PPP1R21: variants seen among roughly 807,000 people sequenced by gnomAD.
PPP1R21 encodes the protein protein phosphatase 1 regulatory subunit 21.
PPP1R21 carries 85 observed loss-of-function variants against 112.8 expected under a neutral mutation model. That is an observed-to-expected ratio of 0.75 (90% CI 0.63 to 0.90). The LOEUF (loss-of-function observed/expected upper bound fraction) is 0.90. Among genes scored for constraint, PPP1R21 ranks in the 40% least tolerant of loss-of-function variants. The probability of loss-of-function intolerance (pLI) is 0.00; values close to 1 mark genes in which losing one functional copy is unlikely to be tolerated. For synonymous variants in PPP1R21, 381 were observed against 322.3 expected (o/e 1.18, Z -1.95); for missense variants, 1,199 against 901.5 (o/e 1.33, Z -4.23).
intron 8 of PPP1R21, 79 bp from the exon 9 acceptor site, chr2:48,465,414 C>T: frequency 7.7e-7 from 1 of 1,290,716 alleles, no homozygotes; most frequent in Non-Finnish European, 1.1e-6. Context: ...CAAATGTTTT[C>T]TCCAGATCAG....
intron 21 of PPP1R21, among the ~76,000 whole-genome samples, chr2:48,513,947 G>A (rs1670752558): frequency 6.6e-6 from 1 of 152,090 alleles, no homozygotes; most frequent in South Asian, 2.1e-4. Flanking sequence ...TTCTCAGCCA[G>A]TATCCAAGCT....
chr2:48,464,577 C>T lies in PPP1R21; in HGVS notation c.695-360C>T, dbSNP rs143995879. On this transcript the variant is annotated intron_variant, in intron 7 of 21. Transcript: ENST00000294952. ...AACAGTGGTATTTTTTGCTGATTAG[C>T]GTGGCGGCTTTGTGGAGGGTTATTT... is the stretch of plus-strand genomic sequence containing the variant. Among the ~76,000 whole-genome samples, 366 of 152,192 alleles carry T rather than the reference C, an allele frequency of 2.4e-3. 1 individual carries two copies. The highest frequency in any genetic ancestry group is 8.0e-3 in the African/African-American group (334 of 41,514).
At position 48,474,243 on chromosome 2, in the gene PPP1R21, C is replaced by T. The variant is rs141000216; in HGVS notation, c.1089-440C>T. Among the ~76,000 whole-genome samples the T allele has an allele frequency of 5.1e-3, 781 of 152,100 alleles. 8 individuals are homozygous for T. Among genetic ancestry groups the T allele is most frequent in the South Asian group, 0.021 (100 of 4,816 alleles). On this transcript the variant is annotated intron_variant, in intron 11 of 21. Transcript: ENST00000294952. ...ACTGAAAGTACAAAAATTAGCCGGG[C>T]GTGGTGGTGGGTGCCTGTAATCCCA... is the stretch of plus-strand genomic sequence containing the variant.
intron 3 of PPP1R21, among the ~76,000 whole-genome samples, chr2:48,457,632 T>A (rs1667784409): frequency 6.6e-6 from 1 of 152,174 alleles, no homozygotes; most frequent in African/African-American, 2.4e-5. Flanking sequence ...AGCTTTATTT[T>A]ATATATTTTT....
chr2:48,496,140 T>G (rs1036738000), intron 16 of PPP1R21, among the ~76,000 whole-genome samples: 5 of 152,066 alleles, frequency 3.3e-5, no homozygotes, highest in African/African-American at 1.2e-4. Context: ...GAATGAAAAA[T>G]GTGCAATATT....
chr2:48,478,805 A>T (rs1558474781), intron 12 of PPP1R21, among the ~76,000 whole-genome samples: 1 of 152,166 alleles, frequency 6.6e-6, no homozygotes, highest in Non-Finnish European at 1.5e-5. Flanking sequence ...CTTTTACCAC[A>T]GCCATAATTT....
intron 4 of PPP1R21, 38 bp downstream of exon 4, chr2:48,458,265 G>T (rs1201588070): frequency 7.2e-7 from 1 of 1,395,300 alleles, no homozygotes; most frequent in South Asian, 1.2e-5. Flanking sequence ...TTAAAAAATG[G>T]GTCTGTGATC....
At chr2:48,443,862 T>C (rs1305693064) in intron 1 of PPP1R21, among the ~76,000 whole-genome samples, 1 of 152,182 alleles carries the variant, frequency 6.6e-6, no homozygotes, top group African/African-American at 2.4e-5. Context: ...CTGCCTTATT[T>C]AGGATACAAA....
intron 12 of PPP1R21, among the ~76,000 whole-genome samples, chr2:48,476,262 A>T (rs185271724): frequency 9.2e-5 from 14 of 152,356 alleles, no homozygotes; most frequent in African/African-American, 3.1e-4. Flanking sequence ...TAAGATTCAT[A>T]AAAGTTGTAG....
At chr2:48,490,658 C>G (rs777629947) in intron 14 of PPP1R21, among the ~76,000 whole-genome samples, 3 of 152,068 alleles carry the variant, frequency 2.0e-5, no homozygotes, top group Non-Finnish European at 4.4e-5. Context: ...AATATGGAAT[C>G]TAGAAATCCG....
intron 17 of PPP1R21, among the ~76,000 whole-genome samples, chr2:48,502,341 A>G (rs1210564392): frequency 6.6e-6 from 1 of 152,096 alleles, no homozygotes; most frequent in Non-Finnish European, 1.5e-5. Flanking sequence ...AACTGCTAAC[A>G]GCAGATTTCT....
chr2:48,454,945 C>T (rs549439577), intron 3 of PPP1R21, among the ~76,000 whole-genome samples: 2 of 152,198 alleles, frequency 1.3e-5, no homozygotes, highest in Admixed American at 1.3e-4. Flanking sequence ...CTCAGTGATC[C>T]TCCCACCTCC....
At chr2:48,441,816 GA>G (rs1177209662) in intron 1 of PPP1R21, among the ~76,000 whole-genome samples, 1 of 152,166 alleles carries the variant, frequency 6.6e-6, no homozygotes, top group Admixed American at 6.5e-5. Context: ...TACATCTTTG[GA>G]AATTGATTCA....
At chr2:48,497,786 G>C (rs1237090476) in intron 16 of PPP1R21, among the ~76,000 whole-genome samples, 1 of 151,760 alleles carries the variant, frequency 6.6e-6, no homozygotes, top group Non-Finnish European at 1.5e-5. Flanking sequence ...CGAGTAGCTG[G>C]GACTACAGGC....
chr2:48,467,103 G>T (rs1668240531), intron 9 of PPP1R21, among the ~76,000 whole-genome samples: 1 of 152,152 alleles, frequency 6.6e-6, no homozygotes, highest in Non-Finnish European at 1.5e-5. Flanking sequence ...GTGTGGTATA[G>T]TTGACCTTTT....
At chr2:48,452,961 T>G (rs980399498) in intron 2 of PPP1R21, among the ~76,000 whole-genome samples, 1 of 151,432 alleles carries the variant, frequency 6.6e-6, no homozygotes, top group African/African-American at 2.4e-5. Context: ...TTCCTTTTTT[T>G]TTTTTTTTTT....
In PPP1R21 at chr2:48,460,123, C is replaced by T; in HGVS notation, c.569C>T (p.Ala190Val). Reference sequence around the variant, plus strand: ...AAATCTCAGACTCTAGAAAAGGAAGCCAAGGAATGTCGACTTCGAACGGAA... The same window carrying T: ...AAATCTCAGACTCTAGAAAAGGAAGTCAAGGAATGTCGACTTCGAACGGAA... ...EVKSQTLEKE[A>V]KECRLRTEEC... Residue 190 changes from alanine (A) to valine (V), a missense_variant, in exon 6 of 22, where the codon GCC becomes GTC. Coordinates refer to ENST00000294952, the MANE Select transcript of PPP1R21 (RefSeq NM_001135629.3). 6.2e-7 allele frequency: 1 copy of T among 1,614,026 alleles called. No homozygotes were observed. The highest frequency in any genetic ancestry group is 8.5e-7 in the Non-Finnish European group (1 of 1,180,008).
intron 1 of PPP1R21, among the ~76,000 whole-genome samples, chr2:48,442,579 T>G (rs1667080820): frequency 1.3e-5 from 2 of 152,194 alleles, no homozygotes; most frequent in African/African-American, 4.8e-5. Context: ...CAAGTCACCT[T>G]TAATGGAATA....
chr2:48,489,589 C>G (rs373209509), intron 14 of PPP1R21, among the ~76,000 whole-genome samples: 73 of 152,028 alleles, frequency 4.8e-4, no homozygotes, highest in African/African-American at 1.6e-3. Flanking sequence ...GTACCCCTGC[C>G]TCAGCCTCTC....
Sources: gnomAD v4.1 joint callset for allele counts (sites outside exome capture counted in the v4.1 genomes callset) on GRCh38, gnomAD v4.1.1 for gene constraint, MANE v1.5 for transcripts, NCBI Gene and HGNC (gene_info 2026-07-23, HGNC 2026-07-21) for gene names.